The following HS2ST1 variants were observed in gnomAD, a reference collection of about 807,000 sequenced individuals.
HS2ST1 encodes the protein heparan sulfate 2-O-sulfotransferase 1.
Under a neutral mutation model 42.9 loss-of-function variants are expected in HS2ST1, and 18 were observed. The ratio of observed to expected loss-of-function variants is 0.42; its 90% CI spans 0.29 to 0.62. The LOEUF (loss-of-function observed/expected upper bound fraction) is 0.62. Ranked by LOEUF, HS2ST1 falls within the 20% of genes least tolerant of loss-of-function variation. The pLI, the probability that HS2ST1 is intolerant of heterozygous loss-of-function variation, is 0.21. For missense variants in HS2ST1, 334 were observed against 433.8 expected (o/e 0.77, Z 2.04); for synonymous variants, 146 against 152.9 (o/e 0.95, Z 0.33).
At chr1:86,966,434 A>C (rs1035981622) in intron 1 of HS2ST1, among the ~76,000 whole-genome samples, 1 of 152,164 alleles carries the variant, frequency 6.6e-6, no homozygotes, top group Non-Finnish European at 1.5e-5. Context: ...ATTGCTCTTA[A>C]ATTGGAGTCT....
intron 1 of HS2ST1, among the ~76,000 whole-genome samples, chr1:87,055,858 C>T (rs1423839481): frequency 6.6e-6 from 1 of 152,162 alleles, no homozygotes; most frequent in African/African-American, 2.4e-5. Context: ...GAATGTCCGT[C>T]AGAAAGCAAT....
At chr1:87,103,144 A>G (rs958367624) in intron 5 of HS2ST1, among the ~76,000 whole-genome samples, 1 of 152,214 alleles carries the variant, frequency 6.6e-6, no homozygotes, top group African/African-American at 2.4e-5. Context: ...GGAGGGGTGT[A>G]TGTTTCTTAT....
At chr1:87,068,620 A>G (rs956122185) in intron 1 of HS2ST1, among the ~76,000 whole-genome samples, 7 of 152,140 alleles carry the variant, frequency 4.6e-5, no homozygotes, top group African/African-American at 1.4e-4. Context: ...GAGAGAGGGC[A>G]TCTTTGTCTT....
chr1:87,101,880 G>A (rs944997121), intron 5 of HS2ST1, among the ~76,000 whole-genome samples: 5 of 152,116 alleles, frequency 3.3e-5, no homozygotes, highest in Admixed American at 6.5e-5. Context: ...ATGAAAAAAG[G>A]TTTACTTGGC....
At chr1:86,974,504 A>C (rs1292284342) in intron 1 of HS2ST1, among the ~76,000 whole-genome samples, 3 of 152,190 alleles carry the variant, frequency 2.0e-5, no homozygotes, top group Non-Finnish European at 4.4e-5. Context: ...GTCATAGTAA[A>C]TTATCAAACC....
intron 1 of HS2ST1, among the ~76,000 whole-genome samples, chr1:87,053,957 C>CT (rs1005057848): frequency 9.2e-5 from 14 of 151,812 alleles, no homozygotes; most frequent in African/African-American, 3.4e-4. Flanking sequence ...TCATTTACTC[C>CT]TTTTACATCA....
chr1:87,023,794 G>A (rs17418683), intron 1 of HS2ST1, among the ~76,000 whole-genome samples: 5,025 of 152,004 alleles, frequency 0.033, 108 homozygotes, highest in Middle Eastern at 0.068. Flanking sequence ...CTAAGGTATC[G>A]TTTGTGTTAC....
chr1:87,088,398 T>A (rs1235160322), intron 3 of HS2ST1, among the ~76,000 whole-genome samples: 2 of 152,108 alleles, frequency 1.3e-5, no homozygotes, highest in African/African-American at 4.8e-5. Flanking sequence ...GATGCACATA[T>A]CAGTAGTTAG....
intron 1 of HS2ST1, among the ~76,000 whole-genome samples, chr1:86,962,269 A>G (rs1438857416): frequency 6.6e-6 from 1 of 152,234 alleles, no homozygotes; most frequent in Non-Finnish European, 1.5e-5. Flanking sequence ...CAGTAATCTA[A>G]CATTGCATAT....
intron 1 of HS2ST1, among the ~76,000 whole-genome samples, chr1:87,018,433 C>T (rs1649825805): frequency 6.6e-6 from 1 of 152,178 alleles, no homozygotes; most frequent in Non-Finnish European, 1.5e-5. Context: ...ACCCTATCCA[C>T]CCACGAGGCA....
At chr1:87,006,582 T>C (rs1649442276) in intron 1 of HS2ST1, among the ~76,000 whole-genome samples, 1 of 152,132 alleles carries the variant, frequency 6.6e-6, no homozygotes, top group Non-Finnish European at 1.5e-5. Context: ...TTTAGTTAAT[T>C]AGAATGGTTA....
intron 1 of HS2ST1, among the ~76,000 whole-genome samples, chr1:86,954,384 G>A (rs978684324): frequency 1.3e-5 from 2 of 152,104 alleles, no homozygotes; most frequent in African/African-American, 2.4e-5. Context: ...GTGCATTGAC[G>A]TGAAGTGCAA....
intron 1 of HS2ST1, among the ~76,000 whole-genome samples, chr1:87,030,867 C>T (rs1374066625): frequency 6.6e-5 from 10 of 152,128 alleles, no homozygotes. Flanking sequence ...CAAAACTATA[C>T]TGAGAGTCAG....
At position 87,045,717 on chromosome 1, in the gene HS2ST1, G is replaced by A. The variant is rs1176238527; in HGVS notation, c.125-27217G>A. On this transcript the variant is annotated intron_variant, in intron 1 of 6. Transcript: ENST00000370550. Reference sequence around the variant, plus strand: ...AGCAGGAATAATATTCCCTGCCACTGATTTGATATCAAATCTACTCTTCAT... The same window carrying A: ...AGCAGGAATAATATTCCCTGCCACTAATTTGATATCAAATCTACTCTTCAT... 2.9e-5 allele frequency: 24 copies of A among 838,198 alleles called. No individual in the cohort carries two copies. The South Asian group carries it at 3.2e-4, about 11-fold the overall frequency. 51.9% of individuals were successfully genotyped at this position (838,198 alleles called of 1,614,324 possible).
At chr1:87,030,530 G>GCACACACA (rs773658579) in intron 1 of HS2ST1, among the ~76,000 whole-genome samples, 1 of 150,696 alleles carries the variant, frequency 6.6e-6, no homozygotes, top group Non-Finnish European at 1.5e-5. Flanking sequence ...GCATGCACAC[G>GCACACACA]CACACACGCA....
chr1:87,005,918 C>T (rs1004958235), intron 1 of HS2ST1, among the ~76,000 whole-genome samples: 7 of 152,090 alleles, frequency 4.6e-5, no homozygotes, highest in Non-Finnish European at 1.0e-4. Context: ...GTTGTCTCTA[C>T]TTCTTCCATG....
intron 1 of HS2ST1, among the ~76,000 whole-genome samples, chr1:87,040,067 A>G (rs752904643): frequency 6.6e-6 from 1 of 152,244 alleles, no homozygotes; most frequent in African/African-American, 2.4e-5. Context: ...TAATAGATCC[A>G]TTAATGGAAA....
rs1308317540 is a variant in HS2ST1 at position 87,104,856 on chromosome 1, C to CT, written c.*161dup. ...GTAACGTCAAGGAAGTAGATACTGG[C>CT]TGGCATTGTCAGTGTTCTAAGTTTC... On this transcript the variant is annotated 3_prime_UTR_variant, in exon 7 of 7. Coordinates refer to ENST00000370550, the MANE Select transcript of HS2ST1 (RefSeq NM_012262.4). 1.8e-6 allele frequency: 1 copy of CT among 562,370 alleles called. No individual in the cohort carries two copies. The highest frequency in any genetic ancestry group is 1.9e-5 in the African/African-American group (1 of 53,054). 34.8% of individuals were successfully genotyped at this position (562,370 alleles called of 1,614,324 possible).
Position 87,089,585 on chromosome 1 carries a change from C to T in HS2ST1, c.450-2946C>T. 1.3e-5 allele frequency among the ~76,000 whole-genome samples: 2 copies of T among 151,982 alleles called. 1 individual carries two copies. Among genetic ancestry groups the T allele is most frequent in the Non-Finnish European group, 2.9e-5 (2 of 67,920 alleles). ...GAGTAAAACCAGCAAACCTCGTTAG[C>T]TCTTGTTTTCTAACTGGCTGAGCTG... On this transcript the variant is annotated intron_variant, in intron 3 of 6. Coordinates refer to ENST00000370550, the MANE Select transcript of HS2ST1 (RefSeq NM_012262.4).
Sources: allele counts gnomAD v4.1 joint callset (sites outside exome capture counted in the v4.1 genomes callset), GRCh38; gene constraint gnomAD v4.1.1; transcripts MANE v1.5; gene names NCBI Gene and HGNC (gene_info 2026-07-23, HGNC 2026-07-21).